Variants in NF1 observed in about 807,000 individuals in gnomAD.
NF1 encodes neurofibromin.
A neutral mutation model predicts 325.7 loss-of-function variants in NF1; 122 were observed. The ratio of observed to expected loss-of-function variants is 0.37; its 90% CI spans 0.32 to 0.44. The LOEUF is 0.44. Ranked by LOEUF, NF1 falls within the 20% of genes least tolerant of loss-of-function variation. The pLI is 1.00. For missense variants in NF1, 2,140 were observed against 3,415.4 expected (o/e 0.63, Z 9.31); for synonymous variants, 1,091 against 1,186.0 (o/e 0.92, Z 1.65).
intron 13 of NF1, among the ~76,000 whole-genome samples, chr17:31,218,021 G>A (rs184457154): frequency 6.6e-5 from 10 of 151,448 alleles, no homozygotes; most frequent in Admixed American, 1.3e-4. Context: ...ATTTTTCCAC[G>A]ATGAAAAGGA....
chr17:31,105,328 A>G (rs1050358880), intron 1 of NF1, among the ~76,000 whole-genome samples: 1 of 152,248 alleles, frequency 6.6e-6, no homozygotes, highest in Non-Finnish European at 1.5e-5. Flanking sequence ...ACATATTCTT[A>G]CCATAAATGG....
At chr17:31,131,885 A>G (rs931045522) in intron 1 of NF1, among the ~76,000 whole-genome samples, 18 of 151,920 alleles carry the variant, frequency 1.2e-4, no homozygotes, top group African/African-American at 4.1e-4. Flanking sequence ...TTTCACCCCT[A>G]ATGTTTATTT....
intron 36 of NF1, among the ~76,000 whole-genome samples, chr17:31,323,781 C>G (rs1449377691): frequency 6.6e-6 from 1 of 152,182 alleles, no homozygotes; most frequent in Non-Finnish European, 1.5e-5. Context: ...TTACCTGATT[C>G]AGCCACTGTA....
chr17:31,206,197 A>T (rs748897563), intron 11 of NF1, 43 bp from the exon 12 acceptor site: 1 of 1,611,090 alleles, frequency 6.2e-7, no homozygotes, highest in South Asian at 1.1e-5. Context: ...CAACTCACGT[A>T]ATTTTGTACT....
intron 36 of NF1, chr17:31,295,044 A>T: frequency 6.2e-7 from 1 of 1,614,186 alleles, no homozygotes; most frequent in Non-Finnish European, 8.5e-7. Flanking sequence ...TTGAGCAATA[A>T]GAGAAATGAA....
chr17:31,268,503 T>C (rs963853066), intron 36 of NF1, among the ~76,000 whole-genome samples: 23 of 151,782 alleles, frequency 1.5e-4, no homozygotes, highest in African/African-American at 5.3e-4. Context: ...GGCACGTGGC[T>C]GTAGTCCCAG....
chr17:31,250,309 A>C (rs994400834), intron 30 of NF1: 1 of 227,796 alleles, frequency 4.4e-6, no homozygotes, highest in African/African-American at 2.3e-5. Flanking sequence ...TATCTTCTCA[A>C]GTTTGGGCTG....
chr17:31,374,512 C>A lies in NF1; in HGVS notation c.*357C>A. The A allele has an allele frequency of 2.3e-6, 1 of 430,692 alleles. No homozygotes were observed. The highest frequency in any genetic ancestry group is 4.3e-6 in the Non-Finnish European group (1 of 231,554). 26.7% of individuals were successfully genotyped at this position (430,692 alleles called of 1,614,324 possible). ...ACTGGCCAGTGATGAAAGCCATTTG[C>A]ACAGAGCTCTGCCTTCTGTGGTTTT... On this transcript the variant is annotated 3_prime_UTR_variant, in exon 58 of 58. Transcript: ENST00000358273.
rs1057517967 is a variant in NF1 at position 31,181,724 on chromosome 17, G to T, written c.669G>T (p.Trp223Cys). The T allele has an allele frequency of 3.1e-6, 5 of 1,608,704 alleles. No individual in the cohort carries two copies. Among genetic ancestry groups the T allele is most frequent in the African/African-American group, 1.3e-5 (1 of 74,836 alleles). The change falls in exon 7 of 58, where the codon TGG becomes TGT. Residue 223 changes from tryptophan (W) to cysteine (C), a missense_variant. Physicochemically the swap from Trp to Cys is radical, Grantham distance 215. Around this residue, in one of 10 missense-constraint regions of NF1, gnomAD observed 246 missense variants for 347.8 expected, o/e 0.71. Transcript: ENST00000358273. ...INSLEKAFWN[W>C]VENYPDEFTK... ...TTTATTTATAGGCATTTTGGAACTG[G>T]GTAGAAAATTATCCAGATGAATTTA...
At chr17:31,283,981 T>G (rs1055522192) in intron 36 of NF1, among the ~76,000 whole-genome samples, 1 of 152,254 alleles carries the variant, frequency 6.6e-6, no homozygotes, top group East Asian at 1.9e-4. Flanking sequence ...AGTCTTTGCC[T>G]TGTACAACAA....
intron 36 of NF1, among the ~76,000 whole-genome samples, chr17:31,298,014 A>T (rs1293813883): frequency 6.6e-6 from 1 of 152,082 alleles, no homozygotes; most frequent in African/African-American, 2.4e-5. Flanking sequence ...TCTTTATGCA[A>T]CCTTGGGTGG....
intron 36 of NF1, chr17:31,272,383 A>G (rs2067917299): frequency 6.6e-6 from 1 of 152,216 alleles, no homozygotes; most frequent in Non-Finnish European, 1.5e-5. Context: ...CTGTATTCAG[A>G]CTTGTCTTGG....
chr17:31,219,640 C>G, intron 14 of NF1, among the ~76,000 whole-genome samples: 1 of 138,758 alleles, frequency 7.2e-6, no homozygotes, highest in East Asian at 2.3e-4. Context: ...CCCCTCCCCC[C>G]TAAGTAGTTC....
At chr17:31,369,859 AAAAG>A (rs1201866759) in intron 57 of NF1, among the ~76,000 whole-genome samples, 2 of 152,210 alleles carry the variant, frequency 1.3e-5, no homozygotes, top group East Asian at 3.8e-4. Flanking sequence ...TTAGAGGATA[AAAAG>A]AAAGAATGCT....
chr17:31,157,709 C>T (rs1369679870), intron 2 of NF1, among the ~76,000 whole-genome samples: 1 of 151,236 alleles, frequency 6.6e-6, no homozygotes, highest in East Asian at 1.9e-4. Flanking sequence ...CCTGTAATCC[C>T]AGCACTTTGG....
chr17:31,193,338 C>A (rs1285243082), intron 8 of NF1, among the ~76,000 whole-genome samples: 1 of 152,096 alleles, frequency 6.6e-6, no homozygotes, highest in African/African-American at 2.4e-5. Flanking sequence ...ATTGAATATA[C>A]CATTTTTTAA....
At chr17:31,357,590 T>C in intron 54 of NF1, 1 of 575,402 alleles carries the variant, frequency 1.7e-6, no homozygotes, top group Non-Finnish European at 3.1e-6. Flanking sequence ...GGTTGATTTA[T>C]TTAAGTGGTT....
intron 18 of NF1, 124 bp downstream of exon 18, chr17:31,226,808 A>C: frequency 7.7e-7 from 1 of 1,301,582 alleles, no homozygotes; most frequent in Non-Finnish European, 1.1e-6. Context: ...GCTTACTTGA[A>C]ATCCTTTTCT....
At position 31,201,042 on chromosome 17, in the gene NF1, G is replaced by A. The variant is rs1259636575; in HGVS notation, c.1068G>A (p.Leu356=). The A allele has an allele frequency of 1.2e-6, 2 of 1,613,556 alleles. No individual in the cohort carries two copies. The highest frequency in any genetic ancestry group is 1.1e-5 in the South Asian group (1 of 91,058). ...VQSMVVDLKN[L]LFNPSKPFSR... Reference sequence around the variant, plus strand: ...TTCTGTTGGGGTTTTTATAGAACCTGCTTTTTAATCCAAGTAAGCCATTCT... The same window carrying A: ...TTCTGTTGGGGTTTTTATAGAACCTACTTTTTAATCCAAGTAAGCCATTCT... The change falls in exon 10 of 58, where the codon CTG becomes CTA. Residue 356 remains leucine, a synonymous_variant. Transcript: ENST00000358273.
Sources: gnomAD v4.1 joint callset for allele counts (sites outside exome capture counted in the v4.1 genomes callset) on GRCh38, gnomAD v4.1.1 for gene constraint, gnomAD v4.1.1 regional missense constraint, MANE v1.5 for transcripts, NCBI Gene and HGNC (gene_info 2026-07-23, HGNC 2026-07-21) for gene names.